Variants in ACSBG1 observed in about 807,000 individuals in gnomAD.
ACSBG1 encodes the protein long-chain-fatty-acid--CoA ligase ACSBG1.
Under a neutral mutation model 80.2 loss-of-function variants are expected in ACSBG1, and 39 were observed. The observed-to-expected ratio is 0.49, with a 90% CI of 0.38 to 0.64. The LOEUF (loss-of-function observed/expected upper bound fraction) is 0.64. Ranked by LOEUF, ACSBG1 falls within the 30% of genes least tolerant of loss-of-function variation. ACSBG1 has a pLI of 0.00. For synonymous variants in ACSBG1, 392 were observed against 379.5 expected, an observed-to-expected ratio of 1.03 and a Z score of -0.38; for missense variants, 828 against 966.4, an observed-to-expected ratio of 0.86 and a Z score of 1.90.
chr15:78,173,105 GGAGGCCGAGGCGGGCGGATCACCT>G (rs1015246398), intron 13 of ACSBG1, among the ~76,000 whole-genome samples: 16 of 152,144 alleles, frequency 1.1e-4, no homozygotes, highest in Non-Finnish European at 1.9e-4. Flanking sequence ...CAGCACTTTG[GGAGGCCGAGGCGGGCGGATCACCT>G]GAGGTCGGGA....
At chr15:78,188,361 C>T (rs1030025588) in intron 5 of ACSBG1, among the ~76,000 whole-genome samples, 19 of 151,668 alleles carry the variant, frequency 1.3e-4, no homozygotes, top group African/African-American at 4.1e-4. Flanking sequence ...GAGCCTGCAT[C>T]GCCAAGTCAA....
chr15:78,226,131 C>A (rs1327531849), intron 1 of ACSBG1, among the ~76,000 whole-genome samples: 4 of 152,118 alleles, frequency 2.6e-5, no homozygotes, highest in Non-Finnish European at 5.9e-5. Context: ...AATCCCATCA[C>A]TTTTTGTAAT....
chr15:78,218,280 T>TG (rs946740245), intron 1 of ACSBG1, among the ~76,000 whole-genome samples: 1 of 46,688 alleles, frequency 2.1e-5, no homozygotes, highest in Non-Finnish European at 5.0e-5. Context: ...GGGGTGGGAG[T>TG]GGGGGTAGGG....
At chr15:78,173,446 C>G in intron 13 of ACSBG1, 147 bp downstream of exon 13, 1 of 1,062,804 alleles carries the variant, frequency 9.4e-7, no homozygotes, top group East Asian at 2.6e-5. Context: ...CATCAATGTC[C>G]TCTAACAGGA....
intron 8 of ACSBG1, 170 bp from the exon 9 acceptor site, chr15:78,181,106 T>C: frequency 1.3e-6 from 1 of 779,540 alleles, no homozygotes; most frequent in Non-Finnish European, 2.0e-6. Context: ...TCGCCTTGCT[T>C]TTTGCTCACA....
At chr15:78,179,828 C>CACACAA (rs2074923540) in intron 9 of ACSBG1, 48 bp from the exon 10 acceptor site, 12 of 1,297,594 alleles carry the variant, frequency 9.2e-6, no homozygotes, top group Non-Finnish European at 1.3e-5. Context: ...CACACACACA[C>CACACAA]ACACACACAC....
In ACSBG1 at chr15:78,168,985, C is replaced by T. The variant is rs141316392; in HGVS notation, c.*2459G>A. 2.5e-6 allele frequency: 4 copies of T among 1,597,602 alleles called. No individual in the cohort carries two copies. The highest frequency in any genetic ancestry group is 2.6e-6 in the Non-Finnish European group (3 of 1,166,310). On this transcript the variant is annotated 3_prime_UTR_variant, in exon 14 of 14. Transcript: ENST00000258873. ...AGACTTCACAGAGGAAATCTGTCGC[C>T]GAGTAAAAGATTTAGATTAACACTT...
In ACSBG1 at chr15:78,193,918, C is replaced by T. The variant is rs1326710575; in HGVS notation, c.542+14G>A. ...CAACCCCCTGGAGACCCCGTCCCTG[C>T]CCCCGCCACTCACCCTGCAAATACT... On this transcript the variant is annotated intron_variant, in intron 4 of 13. Transcript: ENST00000258873. 2.5e-6 allele frequency: 4 copies of T among 1,613,244 alleles called. No homozygotes were observed. Among genetic ancestry groups the T allele is most frequent in the Middle Eastern group, 1.6e-4 (1 of 6,082 alleles).
chr15:78,211,217 C>T (rs747398044), intron 1 of ACSBG1, among the ~76,000 whole-genome samples: 43 of 152,348 alleles, frequency 2.8e-4, no homozygotes, highest in Admixed American at 1.2e-3. Flanking sequence ...CCAGGAAGGA[C>T]AGGTGGCTGT....
At chr15:78,194,455 G>A in intron 3 of ACSBG1, 51 bp downstream of exon 3, 1 of 1,573,440 alleles carries the variant, frequency 6.4e-7, no homozygotes, top group Non-Finnish European at 8.7e-7. Flanking sequence ...GCCCAGAGCT[G>A]GGAGGCACAT....
rs770905119 is a variant in ACSBG1 at position 78,171,546 on chromosome 15, A to C, written c.2090-17T>G. The C allele has an allele frequency of 6.2e-7, 1 of 1,609,046 alleles. No individual in the cohort carries two copies. The highest frequency in any genetic ancestry group is 8.5e-7 in the Non-Finnish European group (1 of 1,175,362). On this transcript the variant is annotated splice_polypyrimidine_tract_variant and intron_variant, in intron 13 of 13. Transcript: ENST00000258873. ...TCGTGGGACCTAAAAGGGAAATGAG[A>C]AGAAATGAGTGAGGCCCAGGCTCTG...
intron 5 of ACSBG1, among the ~76,000 whole-genome samples, chr15:78,183,281 T>C (rs2074967584): frequency 6.6e-6 from 1 of 152,240 alleles, no homozygotes; most frequent in Non-Finnish European, 1.5e-5. Flanking sequence ...TATTTACTTA[T>C]GTTTACAAAA....
chr15:78,208,616 C>T (rs2075239456), intron 1 of ACSBG1, among the ~76,000 whole-genome samples: 1 of 148,912 alleles, frequency 6.7e-6, no homozygotes, highest in Non-Finnish European at 1.5e-5. Context: ...ATTCCGGCCC[C>T]CCAGTGAGGG....
chr15:78,209,934 C>T (rs2075252771), intron 1 of ACSBG1, among the ~76,000 whole-genome samples: 1 of 152,198 alleles, frequency 6.6e-6, no homozygotes, highest in Admixed American at 6.5e-5. Context: ...GGCAGCACTT[C>T]TCTCCCCACA....
chr15:78,228,690 T>A (rs2075423333), intron 1 of ACSBG1, among the ~76,000 whole-genome samples: 1 of 152,242 alleles, frequency 6.6e-6, no homozygotes, highest in Non-Finnish European at 1.5e-5. Context: ...ACCCCTTTGA[T>A]CTTGGGCTCT....
chr15:78,194,440 G>A (rs1200983335), intron 3 of ACSBG1, 66 bp downstream of exon 3: 8 of 1,503,286 alleles, frequency 5.3e-6, no homozygotes, highest in East Asian at 4.6e-5. Flanking sequence ...GAGGAGGCCT[G>A]TGAGGCCCAG....
intron 1 of ACSBG1, among the ~76,000 whole-genome samples, chr15:78,211,749 C>G (rs1298332050): frequency 6.6e-6 from 1 of 152,162 alleles, no homozygotes; most frequent in Non-Finnish European, 1.5e-5. Context: ...CTCCTTCTAC[C>G]TTGCCAGAGG....
chr15:78,211,370 T>C (rs1324417356), intron 1 of ACSBG1, among the ~76,000 whole-genome samples: 1 of 152,234 alleles, frequency 6.6e-6, no homozygotes, highest in African/African-American at 2.4e-5. Context: ...GGAAGTCACC[T>C]AACATGATTA....
At chr15:78,230,128 C>A (rs1225887624) in intron 1 of ACSBG1, among the ~76,000 whole-genome samples, 2 of 152,196 alleles carry the variant, frequency 1.3e-5, no homozygotes, top group Non-Finnish European at 2.9e-5. Context: ...AGGACCCAGG[C>A]CCTGGGCAGG....
Sources: allele counts gnomAD v4.1 joint callset (sites outside exome capture counted in the v4.1 genomes callset), GRCh38; gene constraint gnomAD v4.1.1; transcripts MANE v1.5; gene names NCBI Gene and HGNC (gene_info 2026-07-23, HGNC 2026-07-21).